ALLC: variants seen among roughly 807,000 people sequenced by gnomAD.
ALLC encodes probable inactive allantoicase.
A neutral mutation model predicts 45.0 loss-of-function variants in ALLC; 40 were observed. That is an observed-to-expected ratio of 0.89 (90% CI 0.69 to 1.16). The LOEUF (loss-of-function observed/expected upper bound fraction) is 1.16. Among genes scored for constraint, ALLC ranks in the 50% most tolerant of loss-of-function variants. The pLI is 0.00. For missense variants in ALLC, 488 were observed against 493.1 expected, an observed-to-expected ratio of 0.99 and a Z score of 0.10; for synonymous variants, 176 against 178.1, an observed-to-expected ratio of 0.99 and a Z score of 0.09.
chr2:3,670,636 G>A (rs957180332), intron 1 of ALLC, among the ~76,000 whole-genome samples: 4 of 152,202 alleles, frequency 2.6e-5, no homozygotes, highest in Admixed American at 2.6e-4. Flanking sequence ...GTCTGTTCCC[G>A]TGTGGGGGTG....
intron 1 of ALLC, among the ~76,000 whole-genome samples, chr2:3,670,525 C>T (rs1226330896): frequency 6.6e-6 from 1 of 152,150 alleles, no homozygotes; most frequent in African/African-American, 2.4e-5. Context: ...GTGTTAGGAC[C>T]CGCCATGGCC....
At chr2:3,702,061 C>T (rs895869952) in intron 11 of ALLC, among the ~76,000 whole-genome samples, 5 of 152,042 alleles carry the variant, frequency 3.3e-5, no homozygotes, top group Non-Finnish European at 5.9e-5. Flanking sequence ...CGGGAGAGAC[C>T]AAGATGGTCT....
chr2:3,659,473 G>T (rs1329779728), intron 1 of ALLC, among the ~76,000 whole-genome samples: 1 of 152,172 alleles, frequency 6.6e-6, no homozygotes. Flanking sequence ...CCTGGGTCTG[G>T]TCTCAGCCAC....
rs1667132931 is a variant in ALLC, at chr2:3,679,955, GCTC to G, written c.263_265del (p.Pro88del). 1 of 1,613,938 alleles carries G rather than the reference GCTC, an allele frequency of 6.2e-7. No homozygotes were observed. The highest frequency in any genetic ancestry group is 8.5e-7 in the Non-Finnish European group (1 of 1,179,890). ...CGTTTCTTACTTCACGGGAGATTAC[GCTC>G]CTCGAGTGTCCATTCAAGCAGCAAA... On this transcript the variant is annotated inframe_deletion, in exon 5 of 12. Coordinates refer to ENST00000252505, the MANE Select transcript of ALLC (RefSeq NM_018436.4).
intron 1 of ALLC, among the ~76,000 whole-genome samples, chr2:3,666,071 T>G (rs533233841): frequency 9.8e-4 from 150 of 152,330 alleles, no homozygotes; most frequent in African/African-American, 3.6e-3. Context: ...AAAGACTGTA[T>G]GCACAAAAGG....
chr2:3,686,550 A>G (rs1316766127), intron 7 of ALLC, among the ~76,000 whole-genome samples: 2 of 151,050 alleles, frequency 1.3e-5, no homozygotes, highest in Non-Finnish European at 3.0e-5. Flanking sequence ...TTTTAACAAT[A>G]TTAATTCTTT....
At chr2:3,691,561 C>A (rs1223981078) in intron 7 of ALLC, among the ~76,000 whole-genome samples, 3 of 152,168 alleles carry the variant, frequency 2.0e-5, no homozygotes, top group Non-Finnish European at 4.4e-5. Context: ...TCATACCCAG[C>A]CTGTCCTTGA....
At chr2:3,674,434 T>G (rs962617376) in intron 3 of ALLC, among the ~76,000 whole-genome samples, 2 of 152,220 alleles carry the variant, frequency 1.3e-5, no homozygotes, top group Non-Finnish European at 2.9e-5. Flanking sequence ...GATCTATGTC[T>G]TGAATTTTCT....
Position 3,664,884 on chromosome 2 carries a change from CA to C in ALLC, c.-62-6201del, listed in dbSNP as rs796912123. 3.6e-3 allele frequency among the ~76,000 whole-genome samples: 461 copies of C among 128,694 alleles called. 1 individual carries two copies. The highest frequency in any genetic ancestry group is 0.012 in the African/African-American group (417 of 35,224). 84.4% of individuals were successfully genotyped at this position (128,694 alleles called of 152,430 possible). On this transcript the variant is annotated intron_variant, in intron 1 of 11. Transcript: ENST00000252505. ...GGGCAACAAAGAAAGACTCTGTCTC[CA>C]AAAAAAAAAACAAAACCAAAACCCC... is the stretch of plus-strand genomic sequence containing the variant.
chr2:3,701,519 T>A lies in ALLC; in HGVS notation c.858T>A (p.Ala286=), dbSNP rs747872693. The A allele has an allele frequency of 2.6e-5, 42 of 1,593,318 alleles. No homozygotes were observed. In the East Asian group the frequency reaches 9.2e-4, roughly 35 times the overall value. ...EIDTKYFEGN[A]PDSCKVDGCI... ...TGTGTTTTGCTCCAACAGGCAATGC[T>A]CCTGACAGCTGTAAAGTGGATGGGT... The change falls in exon 11 of 12, where the codon GCT becomes GCA. Residue 286 remains alanine, a synonymous_variant. Coordinates refer to ENST00000252505, the MANE Select transcript of ALLC (RefSeq NM_018436.4).
intron 2 of ALLC, among the ~76,000 whole-genome samples, chr2:3,672,725 A>G (rs1176759185): frequency 0.031 from 2,140 of 68,392 alleles, no homozygotes; most frequent in Middle Eastern, 0.082. Context: ...TTAGATCGGA[A>G]GTCCTCTGGC....
rs528701596 is a variant in ALLC at position 3,672,567 on chromosome 2, G to A, written c.33+1377G>A. 3.0e-5 allele frequency among the ~76,000 whole-genome samples: 3 copies of A among 100,338 alleles called. No individual in the cohort carries two copies. In the East Asian group the frequency reaches 9.5e-4, roughly 32 times the overall value. 65.8% of individuals were successfully genotyped at this position (100,338 alleles called of 152,430 possible). A position where few individuals can be genotyped will look rare whatever the true frequency, so the allele number is the denominator to read the frequency against. ...AGGTCCTCTGGTTCTGGTTAGATGG[G>A]AGGTCCCCTGGCTCTGGTTAGATGG... On this transcript the variant is annotated intron_variant, in intron 2 of 11. Coordinates refer to ENST00000252505, the MANE Select transcript of ALLC (RefSeq NM_018436.4).
At chr2:3,668,972 A>G (rs1014977351) in intron 1 of ALLC, among the ~76,000 whole-genome samples, 3 of 152,102 alleles carry the variant, frequency 2.0e-5, no homozygotes, top group East Asian at 1.9e-4. Context: ...AGCAGTAACA[A>G]TGGTCACCAG....
At chr2:3,702,230 TATC>T in intron 11 of ALLC, 130 bp from the exon 12 acceptor site, 1 of 694,224 alleles carries the variant, frequency 1.4e-6, no homozygotes, top group Non-Finnish European at 2.4e-6. Context: ...AAAGCCCAAT[TATC>T]ATCAATTAAT....
chr2:3,683,214 T>C lies in ALLC; in HGVS notation c.511+140T>C, dbSNP rs1572521329. 6 of 1,014,644 alleles carry C rather than the reference T, an allele frequency of 5.9e-6. No homozygotes were observed. The African/African-American group carries it at 6.5e-5, about 11-fold the overall frequency. The allele number at this position is 1,014,644 out of a possible 1,614,324, so 62.9% of individuals were successfully genotyped here. ...TTTCAGGATTGTAATTTCTCCTTTT[T>C]ATGCTCTAGAAAATTCTTGTTTTAA... On this transcript the variant is annotated intron_variant, in intron 7 of 11. Transcript: ENST00000252505.
At position 3,683,033 on chromosome 2, in the gene ALLC, C is replaced by T. The variant is rs1667238708; in HGVS notation, c.470C>T (p.Ser157Phe). 6.2e-7 allele frequency: 1 copy of T among 1,613,996 alleles called. No individual in the cohort carries two copies. The highest frequency in any genetic ancestry group is 1.3e-5 in the African/African-American group (1 of 75,044). Residue 157 changes from serine (S) to phenylalanine (F), a missense_variant, in exon 7 of 12, where the codon TCC becomes TTC. By Grantham distance (155) the Ser-to-Phe change is radical (BLOSUM62 -2). Coordinates refer to ENST00000252505, the MANE Select transcript of ALLC (RefSeq NM_018436.4). ...ASGHNYFLVN[S>F]QQRWTHIRLN... is the part of the protein sequence containing the mutation. ...GGCCACAACTATTTTCTTGTCAATTCCCAGCAGAGATGGACTCATATCAGA... is the reference window on the plus strand; with the variant it reads ...GGCCACAACTATTTTCTTGTCAATTTCCAGCAGAGATGGACTCATATCAGA...
At chr2:3,655,990 G>A (rs1002706209), upstream of ALLC, among the ~76,000 whole-genome samples, 2 of 152,190 alleles carry the variant, frequency 1.3e-5, no homozygotes, top group East Asian at 3.9e-4. Context: ...CAGAGCCAGC[G>A]AGCTCCCAGT....
intron 10 of ALLC, among the ~76,000 whole-genome samples, chr2:3,698,322 A>G (rs1046737720): frequency 6.6e-6 from 1 of 152,152 alleles, no homozygotes; most frequent in South Asian, 2.1e-4. Flanking sequence ...ATGACCCCCA[A>G]AGTCACACAA....
chr2:3,651,307 GGTGGGTGGGGGGGGTGT>G, the ALLC span, among the ~76,000 whole-genome samples: 1 of 5,548 alleles, frequency 1.8e-4, no homozygotes, highest in African/African-American at 6.8e-4. Flanking sequence ...TGGGTGGGTG[GGTGGGTGGGGGGGGTGT>G]GTGTGTGTGT....
Sources: gnomAD v4.1 joint callset for allele counts (sites outside exome capture counted in the v4.1 genomes callset) on GRCh38, gnomAD v4.1.1 for gene constraint, MANE v1.5 for transcripts, NCBI Gene and HGNC (gene_info 2026-07-23, HGNC 2026-07-21) for gene names.